Variants in RBCK1 observed in about 807,000 individuals in gnomAD.
RBCK1 encodes RANBP2-type and C3HC4-type zinc finger containing 1.
A neutral mutation model predicts 71.1 loss-of-function variants in RBCK1; 44 were observed. That is an observed-to-expected ratio of 0.62 (90% confidence interval 0.49 to 0.80). RBCK1 has a LOEUF of 0.80. RBCK1 is among the 30% of genes least tolerant of loss of function. RBCK1 has a pLI of 0.00. For synonymous variants in RBCK1, 306 were observed against 279.7 expected (o/e 1.09, Z -0.94); for missense variants, 569 against 685.0 (o/e 0.83, Z 1.89).
chr20:427,413 A>T lies in RBCK1; in HGVS notation c.1130A>T (p.Lys377Met). 6.2e-7 allele frequency: 1 copy of T among 1,614,190 alleles called. No individual in the cohort carries two copies. ...TACCATTGCAAGACCCCAGATTGCA[A>T]GGGATGGTGCTTCTTTGAGGATGAT... Reference protein sequence around the residue: ...FSYHCKTPDCKGWCFFEDDVN... With the variant: ...FSYHCKTPDCMGWCFFEDDVN... Residue 377 changes from lysine to methionine, a missense_variant, in exon 9 of 12, where the codon AAG becomes ATG. Physicochemically the swap from Lys to Met is moderately conservative, Grantham distance 95 (BLOSUM62 -1). Transcript: ENST00000356286.
chr20:409,340 C>T (rs4815586), intron 1 of RBCK1, among the ~76,000 whole-genome samples: 98,738 of 152,056 alleles, frequency 0.65, 32,160 homozygotes, highest in East Asian at 0.71. Flanking sequence ...CCACTCTTCC[C>T]CACTGGAGCT....
At position 428,666 on chromosome 20, in the gene RBCK1, G is replaced by A. The variant is rs2016861083; in HGVS notation, c.1308+77G>A. 1.4e-6 allele frequency: 2 copies of A among 1,458,402 alleles called. No homozygotes were observed. The highest frequency in any genetic ancestry group is 1.8e-6 in the Non-Finnish European group (2 of 1,086,918). The allele number at this position is 1,458,402 out of a possible 1,614,324, so 90.3% of individuals were successfully genotyped here. A position where few individuals can be genotyped will look rare whatever the true frequency, so the allele number is the denominator to read the frequency against. On this transcript the variant is annotated intron_variant, in intron 10 of 11. Coordinates refer to ENST00000356286, the MANE Select transcript of RBCK1 (RefSeq NM_031229.4). The surrounding 1 kb of genome is among the most constrained non-coding windows in gnomAD (Gnocchi z 5.7). ...GTGGGGGCTGGGGGCTTCCCAGTAAGGGCTGTGCTCACACATCCCTGGAGG... is the reference window on the plus strand; with the variant it reads ...GTGGGGGCTGGGGGCTTCCCAGTAAAGGCTGTGCTCACACATCCCTGGAGG...
chr20:427,318 G>T lies in RBCK1; in HGVS notation c.1035G>T (p.Leu345=). 1 of 1,613,962 alleles carries T rather than the reference G, an allele frequency of 6.2e-7. No homozygotes were observed. The highest frequency in any genetic ancestry group is 1.1e-5 in the South Asian group (1 of 91,070). The change falls in exon 9 of 12, where the codon CTG becomes CTT. Residue 345 remains leucine (L), a synonymous_variant. Transcript: ENST00000356286. ...AGGACATGGTGTGTTGGCAGCTCCTGACCCCTGAGGATTACCAGCGATTTC... is the reference window on the plus strand; with the variant it reads ...AGGACATGGTGTGTTGGCAGCTCCTTACCCCTGAGGATTACCAGCGATTTC... ...KLLEREIKAL[L]TPEDYQRFLD...
intron 2 of RBCK1, among the ~76,000 whole-genome samples, chr20:411,698 G>C (rs1010194349): frequency 4.6e-5 from 7 of 152,154 alleles, no homozygotes; most frequent in Admixed American, 1.3e-4. Context: ...AGTCTGTAGA[G>C]ATAAGGTCTT....
In RBCK1 at chr20:419,456, T is replaced by C; in HGVS notation, c.570T>C (p.Pro190=). The part of the protein sequence containing the change: ...EPGRGQPDAV[P]EPPPVGWQCP... Reference sequence around the variant, plus strand: ...GACGGGGGCAGCCAGATGCAGTGCCTGAGCCCCCACCGGTAAGCTGTCCTT... The same window carrying C: ...GACGGGGGCAGCCAGATGCAGTGCCCGAGCCCCCACCGGTAAGCTGTCCTT... The change falls in exon 5 of 12, where the codon CCT becomes CCC. Residue 190 remains proline (P), a synonymous_variant. Coordinates refer to ENST00000356286, the MANE Select transcript of RBCK1 (RefSeq NM_031229.4). 1 of 1,607,254 alleles carries C rather than the reference T, an allele frequency of 6.2e-7. No individual in the cohort carries two copies. The highest frequency in any genetic ancestry group is 1.3e-5 in the African/African-American group (1 of 74,878).
Position 427,508 on chromosome 20 carries a change from A to G in RBCK1, c.1209+16A>G. The G allele has an allele frequency of 1.2e-6, 2 of 1,610,060 alleles. No individual in the cohort carries two copies. Among genetic ancestry groups the G allele is most frequent in the South Asian group, 1.1e-5 (1 of 90,842 alleles). The stretch of plus-strand genomic sequence containing the variant: ...GCTCTGCAAGGTGGGGCCTGCAGGG[A>G]CTCCCCCCACCTAGTCACTGTCATC... On this transcript the variant is annotated intron_variant, in intron 9 of 11. Coordinates refer to ENST00000356286, the MANE Select transcript of RBCK1 (RefSeq NM_031229.4).
rs772116091 is a variant in RBCK1 at position 419,699 on chromosome 20, G to A, written c.724G>A (p.Gly242Ser). ...PDEEERARLA[G>S]EEEALRQYQQ... ...CGAGGAGGAGCGAGCGCGCCTGGCG[G>A]GCGAGGAGGAGGCGCTGCGTCAGTA... Residue 242 changes from glycine to serine, a missense_variant, in exon 6 of 12, where the codon GGC (glycine) becomes AGC (serine). Around this residue, in one of 2 missense-constraint regions of RBCK1, gnomAD observed 358 missense variants for 375.6 expected, o/e 0.95. Transcript: ENST00000356286. The A allele has an allele frequency of 3.8e-6, 6 of 1,571,912 alleles. No homozygotes were observed. In the South Asian group the frequency reaches 5.8e-5, roughly 15 times the overall value.
At position 422,327 on chromosome 20, in the gene RBCK1, C is replaced by CTTTTT; in HGVS notation, c.1029+97_1029+101dup. On this transcript the variant is annotated intron_variant, in intron 8 of 11. Coordinates refer to ENST00000356286, the MANE Select transcript of RBCK1 (RefSeq NM_031229.4). This position sits in a 1 kb window ranked among gnomAD's most constrained non-coding sequence, Gnocchi z 5.0. ...GGCAGCAGACATCTTTCTTTTCTTT[C>CTTTTT]TTTTTTTTTTTTGGAGATGGGGTCT... is the stretch of plus-strand genomic sequence containing the variant. The CTTTTT allele has an allele frequency of 1.1e-6, 1 of 879,558 alleles. No individual in the cohort carries two copies. The allele number at this position is 879,558 out of a possible 1,614,324, so 54.5% of individuals were successfully genotyped here.
In RBCK1 at chr20:419,326, C is replaced by T. The variant is rs779748318; in HGVS notation, c.461-21C>T. 1.9e-6 allele frequency: 3 copies of T among 1,611,306 alleles called. No homozygotes were observed. The African/African-American group carries it at 4.0e-5, about 21-fold the overall frequency. On this transcript the variant is annotated intron_variant, in intron 4 of 11. Coordinates refer to ENST00000356286, the MANE Select transcript of RBCK1 (RefSeq NM_031229.4). ...CCAAGTGGGCCGCGTGGAACCACCA[C>T]CCTTTAACCCTCCTCCACAGATCTG...
chr20:409,552 T>C (rs933031761), intron 1 of RBCK1, among the ~76,000 whole-genome samples: 7 of 152,078 alleles, frequency 4.6e-5, no homozygotes, highest in Non-Finnish European at 8.8e-5. Context: ...TTTATAAATC[T>C]CTGTGGGATT....
Position 430,456 on chromosome 20 carries a change from G to A in RBCK1, c.*26G>A, listed in dbSNP as rs1249220928. The A allele has an allele frequency of 6.4e-7, 1 of 1,573,366 alleles. No homozygotes were observed. The highest frequency in any genetic ancestry group is 1.7e-5 in the Admixed American group (1 of 59,976). On this transcript the variant is annotated 3_prime_UTR_variant, in exon 12 of 12. Transcript: ENST00000356286. The surrounding 1 kb of genome is among the most constrained non-coding windows in gnomAD (Gnocchi z 5.6). ...GCTAAAGATGGTGGGGCCACATGCTGACCCAGCCCCACATCCACATTCTGT... is the reference window on the plus strand; with the variant it reads ...GCTAAAGATGGTGGGGCCACATGCTAACCCAGCCCCACATCCACATTCTGT...
At chr20:420,138 C>T (rs1240834565) in intron 6 of RBCK1, 3 of 984,958 alleles carry the variant, frequency 3.0e-6, no homozygotes, top group East Asian at 1.1e-4. Flanking sequence ...CCTGCTCCAC[C>T]TCGCCGTGAC....
intron 2 of RBCK1, among the ~76,000 whole-genome samples, chr20:413,185 C>T (rs939901318): frequency 6.6e-6 from 1 of 152,068 alleles, no homozygotes; most frequent in African/African-American, 2.4e-5. Flanking sequence ...ATTACTATAG[C>T]TTCATAGTAT....
At position 417,395 on chromosome 20, in the gene RBCK1, T is replaced by G. The variant is rs1014209394; in HGVS notation, c.168-131T>G. On this transcript the variant is annotated intron_variant, in intron 2 of 11. Coordinates refer to ENST00000356286, the MANE Select transcript of RBCK1 (RefSeq NM_031229.4). The surrounding 1 kb of genome is among the most constrained non-coding windows in gnomAD (Gnocchi z 4.7). ...GGTGGGGCCTACCCCAGACTGGGGT[T>G]TGTGTGTGTGTGTGTGTGTGTGTGT... 11 of 765,670 alleles carry G rather than the reference T, an allele frequency of 1.4e-5. No homozygotes were observed. The highest frequency in any genetic ancestry group is 1.8e-5 in the Non-Finnish European group (8 of 432,856). The allele number at this position is 765,670 out of a possible 1,614,324, so 47.4% of individuals were successfully genotyped here.
chr20:420,388 C>T (rs1386795899), intron 6 of RBCK1: 15 of 984,754 alleles, frequency 1.5e-5, no homozygotes, highest in Non-Finnish European at 1.7e-5. Flanking sequence ...CCCTTGGACC[C>T]GGTGCTGCCC....
chr20:422,149 C>A lies in RBCK1; in HGVS notation c.940C>A (p.Arg314Ser), dbSNP rs144105841. The A allele has an allele frequency of 6.2e-7, 1 of 1,612,532 alleles. No homozygotes were observed. The highest frequency in any genetic ancestry group is 8.5e-7 in the Non-Finnish European group (1 of 1,179,842). The stretch of plus-strand genomic sequence containing the variant: ...TAGGGAGTGCCTGCAGGGCACCATC[C>A]GCAACAGCCAGGAGGCGGAGGTCTC... ...FCRECLQGTI[R>S]NSQEAEVSCP... The change falls in exon 8 of 12, where the codon CGC becomes AGC. Residue 314 changes from arginine (R) to serine (S), a missense_variant. Arg to Ser is a moderately radical substitution (Grantham distance 110, BLOSUM62 -1). Coordinates refer to ENST00000356286, the MANE Select transcript of RBCK1 (RefSeq NM_031229.4). This position sits in a 1 kb window ranked among gnomAD's most constrained non-coding sequence, Gnocchi z 5.0.
chr20:419,499 C>T (rs751606144), intron 5 of RBCK1, 31 bp downstream of exon 5: 2 of 1,603,558 alleles, frequency 1.2e-6, no homozygotes, highest in Non-Finnish European at 1.7e-6. Context: ...GTATCCTCTT[C>T]TGTGCCCCTC....
Position 428,950 on chromosome 20 carries a change from G to A in RBCK1, c.1309-1G>A. 1 of 1,606,552 alleles carries A rather than the reference G, an allele frequency of 6.2e-7. No individual in the cohort carries two copies. The highest frequency in any genetic ancestry group is 8.5e-7 in the Non-Finnish European group (1 of 1,178,726). The stretch of plus-strand genomic sequence containing the variant: ...CAGGGCCAGCACCTGCCCCACTCCA[G>A]GTGATGCTGCAGCAGGGCGAGGCCA... On this transcript the variant is annotated splice_acceptor_variant, in intron 10 of 11. Coordinates refer to ENST00000356286, the MANE Select transcript of RBCK1 (RefSeq NM_031229.4). LOFTEE classifies it high-confidence loss of function. This position sits in a 1 kb window ranked among gnomAD's most constrained non-coding sequence, Gnocchi z 5.7.
rs750877383 is a variant in RBCK1 at position 427,447 on chromosome 20, G to C, written c.1164G>C (p.Glu388Asp). The change falls in exon 9 of 12, where the codon GAG (glutamate) becomes GAC (aspartate). Residue 388 changes from glutamate to aspartate, a missense_variant. This residue lies in a region of RBCK1 where 211 missense variants were observed against 309.4 expected (regional missense o/e 0.68). Coordinates refer to ENST00000356286, the MANE Select transcript of RBCK1 (RefSeq NM_031229.4). ...GCTTCTTTGAGGATGATGTCAATGA[G>C]TTCACCTGCCCTGTGTGTTTCCACG... ...GWCFFEDDVN[E>D]FTCPVCFHVN... The C allele has an allele frequency of 1.2e-6, 2 of 1,614,070 alleles. No individual in the cohort carries two copies. Among genetic ancestry groups the C allele is most frequent in the Non-Finnish European group, 1.7e-6 (2 of 1,180,024 alleles).
Sources: gnomAD v4.1 joint callset for allele counts (sites outside exome capture counted in the v4.1 genomes callset) on GRCh38, gnomAD v4.1.1 for gene constraint, gnomAD v4.1.1 regional missense constraint, Gnocchi (gnomAD v3.1) non-coding constraint, MANE v1.5 for transcripts, NCBI Gene and HGNC (gene_info 2026-07-23, HGNC 2026-07-21) for gene names.